DCAF6: variants seen among roughly 807,000 people sequenced by gnomAD.
The protein encoded by DCAF6 is DDB1 and CUL4 associated factor 6.
In DCAF6, 54 loss-of-function variants were observed where a neutral mutation model predicts 125.1. That is an observed-to-expected ratio of 0.43 (90% CI 0.35 to 0.54). The LOEUF (loss-of-function observed/expected upper bound fraction) is 0.54. Among genes scored for constraint, DCAF6 ranks in the 20% least tolerant of loss-of-function variants. The pLI is 0.01. For missense variants in DCAF6, 934 were observed against 1,161.7 expected (o/e 0.80, Z 2.85); for synonymous variants, 371 against 390.4 (o/e 0.95, Z 0.58).
In DCAF6 at chr1:167,951,940, C is replaced by G. The variant is rs1308266034; in HGVS notation, c.159+79C>G. 4.7e-6 allele frequency: 4 copies of G among 848,120 alleles called. No individual in the cohort carries two copies. The Admixed American group carries it at 6.9e-5, about 15-fold the overall frequency. The allele number at this position is 848,120 out of a possible 1,614,324, so 52.5% of individuals were successfully genotyped here. On this transcript the variant is annotated intron_variant, in intron 2 of 21. Transcript: ENST00000367840. ...TGTTTGATGAAATGTCCCAATCCTC[C>G]CAGAAAGGATTGTGACTATAATAAA...
chr1:168,051,526 G>A (rs2101857715), intron 17 of DCAF6, among the ~76,000 whole-genome samples: 1 of 152,284 alleles, frequency 6.6e-6, no homozygotes, highest in East Asian at 1.9e-4. Context: ...GTCACCTACT[G>A]AAAACCTGTT....
At chr1:167,931,675 C>T (rs967797190), upstream of DCAF6, among the ~76,000 whole-genome samples, 4 of 151,888 alleles carry the variant, frequency 2.6e-5, no homozygotes, top group East Asian at 1.9e-4. Flanking sequence ...TATGTAGGTA[C>T]GTACACTCAT....
chr1:167,995,865 C>G (rs1231042267), intron 7 of DCAF6, among the ~76,000 whole-genome samples: 1 of 152,116 alleles, frequency 6.6e-6, no homozygotes, highest in African/African-American at 2.4e-5. Flanking sequence ...TACACCAAGT[C>G]CTCTACTTAA....
chr1:168,021,781 T>A (rs1342054220), intron 11 of DCAF6, among the ~76,000 whole-genome samples: 6 of 152,108 alleles, frequency 3.9e-5, no homozygotes, highest in Non-Finnish European at 7.4e-5. Flanking sequence ...ATGCAAGCAA[T>A]CAAATCCTAT....
At chr1:167,993,741 C>T (rs1681219349) in intron 7 of DCAF6, among the ~76,000 whole-genome samples, 1 of 151,240 alleles carries the variant, frequency 6.6e-6, no homozygotes. Flanking sequence ...AAAAGTGAAA[C>T]TCCGTCTCAG....
chr1:168,032,213 A>G (rs1393421950), intron 12 of DCAF6, among the ~76,000 whole-genome samples: 1 of 152,232 alleles, frequency 6.6e-6, no homozygotes, highest in Non-Finnish European at 1.5e-5. Flanking sequence ...TGGCTTGCAT[A>G]GTATCACTTC....
intron 11 of DCAF6, among the ~76,000 whole-genome samples, chr1:168,017,548 C>G (rs1381887685): frequency 6.6e-6 from 1 of 151,986 alleles, no homozygotes; most frequent in Non-Finnish European, 1.5e-5. Flanking sequence ...TGTGTGGTTT[C>G]TGTGAAGTAA....
At chr1:167,917,400 A>C in the DCAF6 span, 6 of 152,222 alleles carry the variant, frequency 3.9e-5, no homozygotes, top group Admixed American at 3.9e-4. Flanking sequence ...GGAGTTCGAG[A>C]CCAGCCTGGG....
chr1:167,965,689 C>T (rs551960483), intron 2 of DCAF6, among the ~76,000 whole-genome samples: 110 of 152,140 alleles, frequency 7.2e-4, no homozygotes, highest in Non-Finnish European at 1.3e-3. Context: ...TGCAGTGACA[C>T]GATCTTGGCT....
intron 7 of DCAF6, among the ~76,000 whole-genome samples, chr1:167,999,384 G>C (rs1283158958): frequency 6.6e-6 from 1 of 152,152 alleles, no homozygotes; most frequent in Non-Finnish European, 1.5e-5. Context: ...TGTCACCACT[G>C]CATAAGCCCC....
chr1:168,012,552 G>A (rs1684447300), intron 10 of DCAF6, among the ~76,000 whole-genome samples: 1 of 152,170 alleles, frequency 6.6e-6, no homozygotes, highest in Non-Finnish European at 1.5e-5. Flanking sequence ...TATAAATTAT[G>A]TATGTTTGTG....
chr1:167,962,267 G>A (rs767946825), intron 2 of DCAF6, among the ~76,000 whole-genome samples: 2 of 151,936 alleles, frequency 1.3e-5, no homozygotes, highest in South Asian at 2.1e-4. Context: ...TGCTAGGTCT[G>A]TCTGTTTCTG....
At chr1:167,931,720 T>C (rs559978177), upstream of DCAF6, among the ~76,000 whole-genome samples, 3 of 152,242 alleles carry the variant, frequency 2.0e-5, no homozygotes, top group African/African-American at 7.2e-5. Flanking sequence ...TTACATATAA[T>C]AGAACAATAT....
the DCAF6 span, chr1:167,875,272 A>G: frequency 3.2e-5 from 44 of 1,387,658 alleles, no homozygotes; most frequent in African/African-American, 6.1e-4. Flanking sequence ...GTTCCCAGAA[A>G]GTTTCCTTCT....
chr1:167,889,012 A>T, the DCAF6 span, among the ~76,000 whole-genome samples: 9 of 152,166 alleles, frequency 5.9e-5, no homozygotes, highest in Admixed American at 6.5e-5. Flanking sequence ...TCCAAATATA[A>T]TAAGATCATC....
At chr1:167,890,239 G>T in the DCAF6 span, among the ~76,000 whole-genome samples, 3 of 152,200 alleles carry the variant, frequency 2.0e-5, no homozygotes, top group Non-Finnish European at 2.9e-5. Flanking sequence ...CTTGGGTGTT[G>T]TGATCTAAGC....
At chr1:168,030,989 C>T (rs1451526771) in intron 12 of DCAF6, among the ~76,000 whole-genome samples, 1 of 151,992 alleles carries the variant, frequency 6.6e-6, no homozygotes, top group Non-Finnish European at 1.5e-5. Context: ...GGTAGGTGAT[C>T]ATGAACTCGG....
the DCAF6 span, among the ~76,000 whole-genome samples, chr1:167,926,571 C>G: frequency 4.5e-3 from 686 of 152,296 alleles, 8 homozygotes; most frequent in East Asian, 0.056. Context: ...GGAGTGTCCC[C>G]CCAGGGGCAT....
chr1:168,042,223 CT>C (rs952698847), intron 13 of DCAF6, among the ~76,000 whole-genome samples: 2 of 151,866 alleles, frequency 1.3e-5, no homozygotes, highest in African/African-American at 4.8e-5. Flanking sequence ...GTAAATCTTA[CT>C]TTTTTTCTTG....
Sources: allele counts gnomAD v4.1 joint callset (sites outside exome capture counted in the v4.1 genomes callset), GRCh38; gene constraint gnomAD v4.1.1; transcripts MANE v1.5; gene names NCBI Gene and HGNC (gene_info 2026-07-23, HGNC 2026-07-21).